MYO3A: variants seen among roughly 807,000 people sequenced by gnomAD.
MYO3A encodes myosin-IIIa.
In MYO3A, 180 loss-of-function variants were observed where a neutral mutation model predicts 192.7. That is an observed-to-expected ratio of 0.93 (90% CI 0.83 to 1.06). The LOEUF (loss-of-function observed/expected upper bound fraction) is 1.06, where lower values mean the gene tolerates loss of function less well. Among genes scored for constraint, MYO3A ranks in the 50% least tolerant of loss-of-function variants. The pLI is 0.00. For missense variants in MYO3A, 1,896 were observed against 1,905.0 expected (o/e 1.00, Z 0.09); for synonymous variants, 628 against 645.3 (o/e 0.97, Z 0.41).
chr10:26,143,936 A>T (rs981087291), intron 21 of MYO3A, among the ~76,000 whole-genome samples: 4 of 152,200 alleles, frequency 2.6e-5, no homozygotes, highest in Admixed American at 6.5e-5. Flanking sequence ...ACAGCTCTGG[A>T]ATTGAGAAGA....
chr10:25,993,448 T>G (rs920418287), intron 4 of MYO3A, among the ~76,000 whole-genome samples: 1 of 151,546 alleles, frequency 6.6e-6, no homozygotes, highest in African/African-American at 2.4e-5. Context: ...TTTTGTTGAT[T>G]TTTTCAAAAA....
intron 14 of MYO3A, among the ~76,000 whole-genome samples, chr10:26,073,542 G>A (rs998329183): frequency 9.2e-5 from 4 of 43,456 alleles, no homozygotes; most frequent in Non-Finnish European, 2.2e-4. Flanking sequence ...GCAGTGAGCC[G>A]AGATTGCGCC....
chr10:26,045,208 G>A (rs1013753974), intron 10 of MYO3A, among the ~76,000 whole-genome samples: 2 of 152,202 alleles, frequency 1.3e-5, no homozygotes, highest in African/African-American at 4.8e-5. Flanking sequence ...AGTGGTGTCT[G>A]GCTGAAGCAG....
intron 15 of MYO3A, among the ~76,000 whole-genome samples, chr10:26,089,182 G>C (rs11014953): frequency 0.14 from 21,823 of 152,070 alleles, 1,787 homozygotes; most frequent in East Asian, 0.31. Flanking sequence ...TTTTATATTA[G>C]TACATTATTA....
At chr10:26,029,185 G>A (rs1251630481) in intron 10 of MYO3A, among the ~76,000 whole-genome samples, 1 of 152,190 alleles carries the variant, frequency 6.6e-6, no homozygotes, top group East Asian at 1.9e-4. Flanking sequence ...GTAAGTTTCA[G>A]TGATTATTGG....
In MYO3A at chr10:26,147,547, CT is replaced by C. The variant is rs1188719022; in HGVS notation, c.2624del (p.Leu875ArgfsTer16). The C allele has an allele frequency of 6.2e-7, 1 of 1,613,922 alleles. No homozygotes were observed. The highest frequency in any genetic ancestry group is 1.3e-5 in the African/African-American group (1 of 74,924). On this transcript the variant is annotated frameshift_variant, in exon 23 of 35. Coordinates refer to ENST00000642920, the MANE Select transcript of MYO3A (RefSeq NM_017433.5). LOFTEE classifies it high-confidence loss of function. ...AATTAGGCAACTAGTCAACCACCCTCTGACCAAAACAGGTAAGACAATTTTC... is the reference window on the plus strand; with the variant it reads ...AATTAGGCAACTAGTCAACCACCCTCGACCAAAACAGGTAAGACAATTTTC... Reference protein sequence around the residue: ...SVIRQLVNHPLTKTGNLPHSK... With the variant: ...SVIRQLVNHPXTKTGNLPHSK...
intron 26 of MYO3A, among the ~76,000 whole-genome samples, chr10:26,163,486 A>G (rs541518894): frequency 1.7e-3 from 257 of 152,338 alleles, no homozygotes; most frequent in Non-Finnish European, 2.9e-3. Flanking sequence ...GAGGTATTCA[A>G]TTAAGGTAAT....
intron 28 of MYO3A, among the ~76,000 whole-genome samples, chr10:26,169,979 T>C (rs1210669724): frequency 2.0e-5 from 3 of 152,218 alleles, no homozygotes; most frequent in African/African-American, 7.2e-5. Flanking sequence ...CAGGGAATGT[T>C]ACAGAATATA....
chr10:25,938,824 A>G (rs968669790), intron 2 of MYO3A, among the ~76,000 whole-genome samples: 1 of 152,196 alleles, frequency 6.6e-6, no homozygotes, highest in African/African-American at 2.4e-5. Context: ...TGGAAAGTTA[A>G]TGATTAAATT....
intron 17 of MYO3A, among the ~76,000 whole-genome samples, chr10:26,117,143 G>C (rs553937172): frequency 1.3e-5 from 2 of 152,144 alleles, no homozygotes; most frequent in African/African-American, 4.8e-5. Flanking sequence ...GTTTGGGTAG[G>C]TAGGATTTGG....
intron 7 of MYO3A, among the ~76,000 whole-genome samples, chr10:26,019,417 C>T (rs149392786): frequency 6.6e-6 from 1 of 152,048 alleles, no homozygotes; most frequent in Non-Finnish European, 1.5e-5. Context: ...TGCCAACACG[C>T]CTGGCTAATT....
intron 18 of MYO3A, 95 bp downstream of exon 18, chr10:26,120,897 A>G: frequency 6.7e-7 from 1 of 1,482,910 alleles, no homozygotes; most frequent in South Asian, 1.2e-5. Context: ...CAATTGTGCT[A>G]ACCTAGAATC....
intron 4 of MYO3A, among the ~76,000 whole-genome samples, chr10:25,970,759 A>C (rs534869422): frequency 5.9e-5 from 9 of 152,000 alleles, no homozygotes; most frequent in African/African-American, 1.9e-4. Context: ...TATTGAATTT[A>C]TAGACATTCA....
At chr10:26,005,003 G>C (rs1316585927) in intron 6 of MYO3A, among the ~76,000 whole-genome samples, 1 of 152,152 alleles carries the variant, frequency 6.6e-6, no homozygotes, top group Non-Finnish European at 1.5e-5. Flanking sequence ...TAAAACTAGT[G>C]AGTTAAGTTT....
intron 31 of MYO3A, among the ~76,000 whole-genome samples, chr10:26,188,677 AG>A (rs1362614333): frequency 6.6e-6 from 1 of 152,244 alleles, no homozygotes. Context: ...GGTGTAATGA[AG>A]GGATCCAGTT....
chr10:26,130,914 G>T (rs1449405973), intron 20 of MYO3A, among the ~76,000 whole-genome samples: 2 of 152,192 alleles, frequency 1.3e-5, no homozygotes, highest in East Asian at 3.8e-4. Flanking sequence ...ATGAGAAACT[G>T]CTATTAAATC....
intron 22 of MYO3A, among the ~76,000 whole-genome samples, chr10:26,147,209 C>T (rs1399017405): frequency 6.6e-6 from 1 of 152,002 alleles, no homozygotes; most frequent in Non-Finnish European, 1.5e-5. Context: ...GTCATTTCAA[C>T]CCAAATAAAA....
At chr10:26,184,488 C>T (rs1187841044) in intron 31 of MYO3A, among the ~76,000 whole-genome samples, 1 of 152,186 alleles carries the variant, frequency 6.6e-6, no homozygotes, top group Admixed American at 6.5e-5. Flanking sequence ...GCAAATTATA[C>T]TCTGCATGTA....
chr10:26,165,135 G>A (rs1339862760), intron 26 of MYO3A, among the ~76,000 whole-genome samples: 13 of 152,194 alleles, frequency 8.5e-5, no homozygotes, highest in Admixed American at 7.8e-4. Context: ...TTTTATCTCC[G>A]GACTCATTTT....
Sources: gnomAD v4.1 joint callset for allele counts (sites outside exome capture counted in the v4.1 genomes callset) on GRCh38, gnomAD v4.1.1 for gene constraint, MANE v1.5 for transcripts, NCBI Gene and HGNC (gene_info 2026-07-23, HGNC 2026-07-21) for gene names.